CRYM: variants seen among roughly 807,000 people sequenced by gnomAD.
CRYM encodes the protein crystallin mu.
In CRYM, 18 loss-of-function variants were observed where a neutral mutation model predicts 32.9. The ratio of observed to expected loss-of-function variants is 0.55; its 90% confidence interval spans 0.38 to 0.81. The LOEUF is 0.81. Among genes scored for constraint, CRYM ranks in the 30% least tolerant of loss-of-function variants. CRYM has a pLI of 0.00. For missense variants in CRYM, 337 were observed against 393.5 expected (o/e 0.86, Z 1.21); for synonymous variants, 153 against 152.4 (o/e 1.00, Z -0.03).
At chr16:21,295,330 A>G (rs775511322) in intron 1 of CRYM, among the ~76,000 whole-genome samples, 1 of 152,224 alleles carries the variant, frequency 6.6e-6, no homozygotes, top group African/African-American at 2.4e-5. Flanking sequence ...CCTTGCCAGC[A>G]TCTGTGGTTT....
At chr16:21,291,829 G>A (rs1434345044) in intron 1 of CRYM, among the ~76,000 whole-genome samples, 3 of 151,996 alleles carry the variant, frequency 2.0e-5, no homozygotes, top group Non-Finnish European at 4.4e-5. Context: ...CCTTTGTGTA[G>A]TAAGCCATTT....
At chr16:21,269,499 C>G (rs1158737260) in intron 4 of CRYM, among the ~76,000 whole-genome samples, 2 of 152,134 alleles carry the variant, frequency 1.3e-5, no homozygotes, top group Admixed American at 6.6e-5. Flanking sequence ...AAAAGGACAA[C>G]TGAATGTATA....
chr16:21,272,762 G>A (rs944732855), intron 3 of CRYM, among the ~76,000 whole-genome samples: 11 of 143,584 alleles, frequency 7.7e-5, no homozygotes, highest in African/African-American at 2.9e-4. Flanking sequence ...CAATTCCCTT[G>A]CCTCAGCCTC....
At chr16:21,278,294 C>G, upstream of CRYM, 2 of 1,555,892 alleles carry the variant, frequency 1.3e-6, no homozygotes, top group Non-Finnish European at 1.7e-6. Flanking sequence ...GCACCGCGAT[C>G]CACGTACCCT....
intron 3 of CRYM, among the ~76,000 whole-genome samples, chr16:21,270,288 TTTTC>T (rs1351006560): frequency 2.0e-5 from 3 of 147,230 alleles, no homozygotes; most frequent in South Asian, 4.3e-4. Flanking sequence ...TCTTTCTTTC[TTTTC>T]TTTTTTTTTG....
chr16:21,284,507 C>A (rs2093404225), intron 1 of CRYM, among the ~76,000 whole-genome samples: 1 of 152,244 alleles, frequency 6.6e-6, no homozygotes, highest in South Asian at 2.1e-4. Flanking sequence ...CTCCCAATTG[C>A]CAATCTACTT....
At chr16:21,286,446 T>C in intron 1 of CRYM, among the ~76,000 whole-genome samples, 1 of 151,478 alleles carries the variant, frequency 6.6e-6, no homozygotes, top group Admixed American at 6.6e-5. Context: ...AGCCTGGTCT[T>C]GAACTCCTGA....
At chr16:21,297,985 A>G (rs1035813246) in intron 1 of CRYM, among the ~76,000 whole-genome samples, 1 of 152,222 alleles carries the variant, frequency 6.6e-6, no homozygotes, top group Non-Finnish European at 1.5e-5. Context: ...TGCATTAAAA[A>G]ATGTTTAAAT....
intron 7 of CRYM, chr16:21,260,983 A>G: frequency 1.9e-6 from 1 of 535,610 alleles, no homozygotes; most frequent in South Asian, 2.0e-5. Context: ...CTCAATGGTA[A>G]CAGGTGGTGA....
chr16:21,285,009 T>C (rs1378219471), intron 1 of CRYM, among the ~76,000 whole-genome samples: 1 of 152,244 alleles, frequency 6.6e-6, no homozygotes, highest in Admixed American at 6.5e-5. Flanking sequence ...TTTATTTGCA[T>C]TTCCCTGATG....
chr16:21,301,684 C>G (rs1414609817), intron 1 of CRYM, among the ~76,000 whole-genome samples: 5 of 152,218 alleles, frequency 3.3e-5, no homozygotes, highest in Non-Finnish European at 5.9e-5. Context: ...TCCTGCCTTC[C>G]GCACCGCTGA....
chr16:21,284,105 T>G (rs891153910), intron 1 of CRYM: 1 of 151,530 alleles, frequency 6.6e-6, no homozygotes, highest in Non-Finnish European at 1.5e-5. Flanking sequence ...CTCTAACAAA[T>G]GAAAACCCAT....
intron 3 of CRYM, among the ~76,000 whole-genome samples, chr16:21,272,689 G>T (rs2093378130): frequency 6.8e-6 from 1 of 147,172 alleles, no homozygotes; most frequent in African/African-American, 2.5e-5. Context: ...CTCACTCGTT[G>T]TCCAGGCTGG....
chr16:21,267,875 C>T, intron 4 of CRYM, 138 bp from the exon 5 acceptor site: 1 of 816,404 alleles, frequency 1.2e-6, no homozygotes, highest in Non-Finnish European at 2.0e-6. Flanking sequence ...CTAAATCATT[C>T]CCCATGGAGA....
chr16:21,295,530 A>C (rs1282626433), intron 1 of CRYM, among the ~76,000 whole-genome samples: 1 of 152,138 alleles, frequency 6.6e-6, no homozygotes, highest in Non-Finnish European at 1.5e-5. Context: ...TGGAATAGGT[A>C]GTTCTTTTTA....
chr16:21,278,000 T>A lies in CRYM; in HGVS notation c.170+82A>T. On this transcript the variant is annotated intron_variant, in intron 1 of 7. Coordinates refer to ENST00000572914, the MANE Select transcript of CRYM (RefSeq NM_001376256.1). The surrounding 1 kb of genome is among the most constrained non-coding windows in gnomAD (Gnocchi z 4.2). ...ACGGTTAGGCAAGCCGTCTCTTCCC[T>A]TCTCCCACCCCTCCTCTTCCTGCTC... 1 of 1,449,650 alleles carries A rather than the reference T, an allele frequency of 6.9e-7. No homozygotes were observed. Among genetic ancestry groups the A allele is most frequent in the Non-Finnish European group, 9.2e-7 (1 of 1,083,282 alleles). 89.8% of individuals were successfully genotyped at this position (1,449,650 alleles called of 1,614,324 possible).
At chr16:21,280,887 G>A (rs149554747), upstream of CRYM, among the ~76,000 whole-genome samples, 731 of 152,144 alleles carry the variant, frequency 4.8e-3, 10 homozygotes, top group African/African-American at 0.017. Context: ...GGCGGATCAT[G>A]TGAGGTCAGG....
intron 2 of CRYM, among the ~76,000 whole-genome samples, chr16:21,276,377 G>A (rs375993786): frequency 6.6e-6 from 1 of 152,202 alleles, no homozygotes; most frequent in Admixed American, 6.5e-5. Context: ...ATGAGTGTAA[G>A]TTGGGGAAAG....
rs1180636969 is a variant in CRYM at position 21,278,117 on chromosome 16, G to C, written c.135C>G (p.Pro45=). 7 of 1,548,650 alleles carry C rather than the reference G, an allele frequency of 4.5e-6. No homozygotes were observed. Among genetic ancestry groups the C allele is most frequent in the South Asian group, 3.6e-5 (3 of 84,038 alleles). ...TGGTCACCGGCACCACGGTGCGCAC[G>C]GGCTGCATGACCCCTCCTTCGGGAC... The part of the protein sequence containing the change: ...SSGPEGGVMQ[P]VRTVVPVTKH... Residue 45 remains proline, a synonymous_variant, in exon 1 of 8, where the codon CCC becomes CCG. Coordinates refer to ENST00000572914, the MANE Select transcript of CRYM (RefSeq NM_001376256.1).
Sources: gnomAD v4.1 joint callset for allele counts (sites outside exome capture counted in the v4.1 genomes callset) on GRCh38, gnomAD v4.1.1 for gene constraint, Gnocchi (gnomAD v3.1) non-coding constraint, MANE v1.5 for transcripts, NCBI Gene and HGNC (gene_info 2026-07-23, HGNC 2026-07-21) for gene names.